APBB1IP: variants seen among roughly 807,000 people sequenced by gnomAD.
The protein encoded by APBB1IP is amyloid beta A4 precursor protein-binding family B member 1-interacting protein.
Under a neutral mutation model 64.9 loss-of-function variants are expected in APBB1IP, and 27 were observed. That is an observed-to-expected ratio of 0.42 (90% CI 0.31 to 0.57). The LOEUF is 0.57. Ranked by LOEUF, APBB1IP falls within the 20% of genes least tolerant of loss-of-function variation. The pLI, the probability that APBB1IP is intolerant of heterozygous loss-of-function variation, is 0.20. For missense variants in APBB1IP, 812 were observed against 845.5 expected (o/e 0.96, Z 0.49); for synonymous variants, 392 against 331.0 (o/e 1.18, Z -2.00).
intron 6 of APBB1IP, among the ~76,000 whole-genome samples, chr10:26,510,275 A>C (rs1390971649): frequency 6.6e-6 from 1 of 152,180 alleles, no homozygotes; most frequent in African/African-American, 2.4e-5. Flanking sequence ...GCTGAATCAG[A>C]TGTTTTAATA....
chr10:26,464,620 GCTGGTCTCAAACTC>G (rs1387413547), intron 2 of APBB1IP, among the ~76,000 whole-genome samples: 3 of 152,188 alleles, frequency 2.0e-5, no homozygotes, highest in African/African-American at 2.4e-5. Flanking sequence ...TGTTGCCCAG[GCTGGTCTCAAACTC>G]CTGGCCTCAA....
In APBB1IP at chr10:26,506,289, C is replaced by T. The variant is rs192702942; in HGVS notation, c.531+3015C>T. 2.4e-3 allele frequency among the ~76,000 whole-genome samples: 367 copies of T among 150,852 alleles called. 1 individual carries two copies. Among genetic ancestry groups the T allele is most frequent in the African/African-American group, 8.0e-3 (324 of 40,730 alleles). On this transcript the variant is annotated intron_variant, in intron 6 of 14. Transcript: ENST00000376236. Reference sequence around the variant, plus strand: ...GGGGGGCAAGGTCTTGCTCTGTCACCCAGGCTGGAGTGCAGTGGTACAATC... The same window carrying T: ...GGGGGGCAAGGTCTTGCTCTGTCACTCAGGCTGGAGTGCAGTGGTACAATC...
At chr10:26,447,959 T>A (rs1335602545) in intron 2 of APBB1IP, among the ~76,000 whole-genome samples, 1 of 152,190 alleles carries the variant, frequency 6.6e-6, no homozygotes, top group African/African-American at 2.4e-5. Flanking sequence ...TAATCACTTA[T>A]TTTATTAAAT....
intron 2 of APBB1IP, among the ~76,000 whole-genome samples, chr10:26,470,210 G>C (rs527971049): frequency 1.3e-5 from 2 of 152,306 alleles, no homozygotes; most frequent in Admixed American, 1.3e-4. Context: ...AAAGTATCCA[G>C]TGAATTACAT....
chr10:26,525,000 A>G, intron 8 of APBB1IP, among the ~76,000 whole-genome samples: 1 of 132,856 alleles, frequency 7.5e-6, no homozygotes, highest in East Asian at 2.4e-4. Context: ...CTGGCAAGAG[A>G]AAAAAAAGTC....
intron 8 of APBB1IP, among the ~76,000 whole-genome samples, chr10:26,529,108 G>A (rs1836515785): frequency 6.6e-6 from 1 of 152,222 alleles, no homozygotes; most frequent in Non-Finnish European, 1.5e-5. Context: ...CCCAGAAGCT[G>A]TGAGAAAAGA....
intron 6 of APBB1IP, 135 bp downstream of exon 6, chr10:26,503,409 G>T (rs1836131044): frequency 1.3e-6 from 1 of 752,356 alleles, no homozygotes; most frequent in Non-Finnish European, 2.1e-6. Context: ...GACAAGGTGG[G>T]TGGATCATGA....
Position 26,458,789 on chromosome 10 carries a change from C to T in APBB1IP, c.-1+19936C>T, listed in dbSNP as rs533089674. On this transcript the variant is annotated intron_variant, in intron 2 of 14. Coordinates refer to ENST00000376236, the MANE Select transcript of APBB1IP (RefSeq NM_019043.4). ...ATTTTTGAATATACTTTCACTAATTCTATTATTATCTACTTTATTCTTATT... is the reference window on the plus strand; with the variant it reads ...ATTTTTGAATATACTTTCACTAATTTTATTATTATCTACTTTATTCTTATT... 1.2e-3 allele frequency among the ~76,000 whole-genome samples: 176 copies of T among 152,142 alleles called. 2 individuals carry two copies. The highest frequency in any genetic ancestry group is 5.8e-3 in the South Asian group (28 of 4,822).
At chr10:26,467,856 T>C (rs1239562349) in intron 2 of APBB1IP, among the ~76,000 whole-genome samples, 1 of 152,242 alleles carries the variant, frequency 6.6e-6, no homozygotes, top group Non-Finnish European at 1.5e-5. Context: ...TACTCAACTA[T>C]GCAAACCTGC....
At chr10:26,560,924 A>G in intron 13 of APBB1IP, 80 bp downstream of exon 13, 1 of 1,081,810 alleles carries the variant, frequency 9.2e-7, no homozygotes, top group East Asian at 2.5e-5. Flanking sequence ...CATCTATACA[A>G]ACAGGACTTT....
chr10:26,543,906 G>A (rs1836728697), intron 11 of APBB1IP, among the ~76,000 whole-genome samples: 2 of 152,246 alleles, frequency 1.3e-5, no homozygotes, highest in South Asian at 2.1e-4. Context: ...AAGGAAGAGA[G>A]ATGGGGAGCA....
intron 2 of APBB1IP, among the ~76,000 whole-genome samples, chr10:26,447,393 A>G (rs1380410344): frequency 2.0e-5 from 3 of 151,820 alleles, no homozygotes; most frequent in Admixed American, 6.6e-5. Flanking sequence ...AAAAAAAAAA[A>G]AAAGAAATGC....
intron 11 of APBB1IP, among the ~76,000 whole-genome samples, chr10:26,552,774 A>G (rs1293028023): frequency 2.6e-5 from 4 of 152,138 alleles, no homozygotes; most frequent in Non-Finnish European, 5.9e-5. Context: ...GAAGGCTCCT[A>G]TCTCCAACGT....
intron 8 of APBB1IP, among the ~76,000 whole-genome samples, chr10:26,519,045 C>T (rs549631513): frequency 8.2e-5 from 12 of 145,980 alleles, no homozygotes; most frequent in South Asian, 2.2e-4. Context: ...GAGGCTGAGG[C>T]GGGTGGATCA....
At chr10:26,550,185 T>A (rs556094563) in intron 11 of APBB1IP, among the ~76,000 whole-genome samples, 2 of 152,282 alleles carry the variant, frequency 1.3e-5, no homozygotes, top group South Asian at 4.1e-4. Flanking sequence ...GGTGCATCGC[T>A]TTGTCTTTGA....
At chr10:26,512,001 TA>T (rs1046374315) in intron 7 of APBB1IP, 95 bp downstream of exon 7, 10 of 1,371,778 alleles carry the variant, frequency 7.3e-6, no homozygotes, top group Non-Finnish European at 9.9e-6. Context: ...TCTTTAATTT[TA>T]TATAAAAAAT....
At chr10:26,551,665 G>T (rs1836832748) in intron 11 of APBB1IP, among the ~76,000 whole-genome samples, 2 of 152,128 alleles carry the variant, frequency 1.3e-5, no homozygotes, top group Admixed American at 1.3e-4. Context: ...CCGCCCCGTC[G>T]CTCACCTGCT....
At chr10:26,540,409 A>G (rs11015160) in intron 10 of APBB1IP, among the ~76,000 whole-genome samples, 35,548 of 152,114 alleles carry the variant, frequency 0.23, 4,664 homozygotes, top group Non-Finnish European at 0.28. Flanking sequence ...ATAGAACAGA[A>G]TAGAATACTA....
At chr10:26,509,826 G>C (rs532744324) in intron 6 of APBB1IP, 9 of 152,118 alleles carry the variant, frequency 5.9e-5, no homozygotes, top group Admixed American at 4.6e-4. Context: ...GAATAACCGG[G>C]ACCAACCGTT....
Sources: gnomAD v4.1 joint callset for allele counts (sites outside exome capture counted in the v4.1 genomes callset) on GRCh38, gnomAD v4.1.1 for gene constraint, MANE v1.5 for transcripts, NCBI Gene and HGNC (gene_info 2026-07-23, HGNC 2026-07-21) for gene names.